The following IFTAP variants were observed in gnomAD, a reference collection of about 807,000 sequenced individuals.
IFTAP encodes intraflagellar transport associated protein.
In IFTAP, 19 loss-of-function variants were observed where a neutral mutation model predicts 19.4. That is an observed-to-expected ratio of 0.98 (90% CI 0.68 to 1.44). IFTAP has a LOEUF of 1.44. IFTAP is among the 40% of genes most tolerant of loss of function. The pLI, the probability that IFTAP is intolerant of heterozygous loss-of-function variation, is 0.00. For synonymous variants in IFTAP, 85 were observed against 83.5 expected (o/e 1.02, Z -0.10); for missense variants, 240 against 253.6 (o/e 0.95, Z 0.36).
intron 5 of IFTAP, among the ~76,000 whole-genome samples, chr11:36,652,699 T>C (rs1389118173): frequency 6.6e-6 from 1 of 152,134 alleles, no homozygotes; most frequent in African/African-American, 2.4e-5. Context: ...TTGTCATAAG[T>C]AACTCTTATT....
At chr11:36,630,663 G>A (rs1852692869) in intron 2 of IFTAP, among the ~76,000 whole-genome samples, 1 of 151,328 alleles carries the variant, frequency 6.6e-6, no homozygotes, top group Non-Finnish European at 1.5e-5. Flanking sequence ...ACTCGTCCTT[G>A]TAGAACATCT....
intron 1 of IFTAP, among the ~76,000 whole-genome samples, chr11:36,603,454 G>C (rs752224857): frequency 3.3e-5 from 5 of 151,876 alleles, no homozygotes; most frequent in Admixed American, 6.6e-5. Context: ...CCATTTTTAA[G>C]CTAAAAAAAA....
chr11:36,627,521 C>T (rs2133436241), intron 2 of IFTAP, among the ~76,000 whole-genome samples: 1 of 151,236 alleles, frequency 6.6e-6, no homozygotes, highest in Non-Finnish European at 1.5e-5. Context: ...ATCAGTTGTG[C>T]ATAGACTTGT....
At chr11:36,637,719 C>T (rs1427668957) in intron 4 of IFTAP, among the ~76,000 whole-genome samples, 1 of 152,090 alleles carries the variant, frequency 6.6e-6, no homozygotes, top group East Asian at 1.9e-4. Flanking sequence ...TTCTAGTCTG[C>T]ATGTAATACA....
intron 2 of IFTAP, among the ~76,000 whole-genome samples, chr11:36,613,505 A>G (rs1851948306): frequency 6.6e-6 from 1 of 152,082 alleles, no homozygotes; most frequent in African/African-American, 2.4e-5. Flanking sequence ...TCAAGCACTC[A>G]TAATCCAGTG....
intron 5 of IFTAP, among the ~76,000 whole-genome samples, chr11:36,650,379 TA>T (rs1032568683): frequency 1.1e-4 from 17 of 152,062 alleles, no homozygotes; most frequent in Non-Finnish European, 1.8e-4. Context: ...TTGTTTTTTT[TA>T]ATTTTTAAAT....
chr11:36,598,859 G>A (rs1851395605), intron 1 of IFTAP, among the ~76,000 whole-genome samples: 1 of 152,168 alleles, frequency 6.6e-6, no homozygotes, highest in African/African-American at 2.4e-5. Context: ...TCTCTGAAAT[G>A]AGGATAATAG....
intron 4 of IFTAP, among the ~76,000 whole-genome samples, chr11:36,641,698 G>A (rs1463263927): frequency 6.6e-6 from 1 of 152,142 alleles, no homozygotes; most frequent in Non-Finnish European, 1.5e-5. Context: ...TTCCAACTAT[G>A]TGGTCAGTTT....
chr11:36,633,914 C>T (rs2133456546), intron 3 of IFTAP, among the ~76,000 whole-genome samples: 1 of 152,218 alleles, frequency 6.6e-6, no homozygotes, highest in Non-Finnish European at 1.5e-5. Context: ...TCACATTCTC[C>T]TCAGCTATGA....
rs1421309747 is a variant in IFTAP, at chr11:36,659,180, T to C, written c.660T>C (p.Cys220=). 1 of 1,574,518 alleles carries C rather than the reference T, an allele frequency of 6.4e-7. No individual in the cohort carries two copies. The highest frequency in any genetic ancestry group is 1.9e-5 in the Admixed American group (1 of 51,732). Residue 220 remains cysteine (C), a synonymous_variant, in exon 6 of 6, where the codon TGT becomes TGC. Coordinates refer to ENST00000334307, the MANE Select transcript of IFTAP (RefSeq NM_138787.4). Reference sequence around the variant, plus strand: ...CCAGCCCAGACTTAGAGAAATCCTGTGACTGATTCACAGAGGCATTTTGTG... The same window carrying C: ...CCAGCCCAGACTTAGAGAAATCCTGCGACTGATTCACAGAGGCATTTTGTG... ...KDTSPDLEKS[C]D
At chr11:36,631,683 A>G (rs1318384782) in intron 2 of IFTAP, among the ~76,000 whole-genome samples, 1 of 151,166 alleles carries the variant, frequency 6.6e-6, no homozygotes, top group African/African-American at 2.5e-5. Flanking sequence ...ACAATTGCTG[A>G]GTCTCTGGAA....
At chr11:36,603,480 A>G (rs537284145) in intron 1 of IFTAP, among the ~76,000 whole-genome samples, 121 of 152,308 alleles carry the variant, frequency 7.9e-4, no homozygotes, top group Admixed American at 1.7e-3. Flanking sequence ...GATTCACAAG[A>G]TGAATTCACA....
At chr11:36,654,995 C>T (rs1853915052) in intron 5 of IFTAP, among the ~76,000 whole-genome samples, 1 of 152,072 alleles carries the variant, frequency 6.6e-6, no homozygotes, top group Non-Finnish European at 1.5e-5. Flanking sequence ...TTTTTTACTC[C>T]AGCACCTGTC....
chr11:36,620,905 A>G (rs1852265183), intron 2 of IFTAP, among the ~76,000 whole-genome samples: 2 of 151,598 alleles, frequency 1.3e-5, no homozygotes, highest in East Asian at 3.9e-4. Flanking sequence ...TTTTCAATTT[A>G]TTTATATTTG....
chr11:36,642,706 C>T (rs1419524050), intron 4 of IFTAP, among the ~76,000 whole-genome samples: 20 of 152,074 alleles, frequency 1.3e-4, no homozygotes, highest in Admixed American at 2.6e-4. Context: ...GTTCAACATA[C>T]GCAAATCAAT....
chr11:36,648,786 G>T (rs766174709), intron 5 of IFTAP, among the ~76,000 whole-genome samples: 11 of 152,116 alleles, frequency 7.2e-5, no homozygotes, highest in Non-Finnish European at 1.5e-4. Context: ...TTTCCCCAAG[G>T]CTTAGGACTC....
rs888648771 is a variant in IFTAP, at chr11:36,645,352, A to G, written c.359-2664A>G. Among the ~76,000 whole-genome samples the G allele has an allele frequency of 2.0e-5, 3 of 152,138 alleles. No individual in the cohort carries two copies. The South Asian group carries it at 6.2e-4, about 31-fold the overall frequency. On this transcript the variant is annotated intron_variant, in intron 4 of 5. Coordinates refer to ENST00000334307, the MANE Select transcript of IFTAP (RefSeq NM_138787.4). Reference sequence around the variant, plus strand: ...AGAAAGAAGAGATTAAAATACTTCAACCAGTCTTGCCGTCCAACCTCAAGA... The same window carrying G: ...AGAAAGAAGAGATTAAAATACTTCAGCCAGTCTTGCCGTCCAACCTCAAGA...
intron 1 of IFTAP, among the ~76,000 whole-genome samples, chr11:36,600,278 G>A (rs943150915): frequency 1.3e-5 from 2 of 152,200 alleles, no homozygotes; most frequent in African/African-American, 4.8e-5. Flanking sequence ...CTTAAAGCAG[G>A]GGTTGCCAAT....
At chr11:36,629,961 A>T (rs1852668221) in intron 2 of IFTAP, among the ~76,000 whole-genome samples, 1 of 151,360 alleles carries the variant, frequency 6.6e-6, no homozygotes. Context: ...TTGCTGTTAG[A>T]TTTCTAAACC....
Sources: allele counts gnomAD v4.1 joint callset (sites outside exome capture counted in the v4.1 genomes callset), GRCh38; gene constraint gnomAD v4.1.1; transcripts MANE v1.5; gene names NCBI Gene and HGNC (gene_info 2026-07-23, HGNC 2026-07-21).